UGGT1: variants seen among roughly 807,000 people sequenced by gnomAD.
UGGT1 encodes UDP-glucose glycoprotein glucosyltransferase 1, also known as UDP-glucose:glycoprotein glucosyltransferase 1.
Under a neutral mutation model 203.9 loss-of-function variants are expected in UGGT1, and 107 were observed. The ratio of observed to expected loss-of-function variants is 0.52; its 90% CI spans 0.45 to 0.62. The LOEUF (loss-of-function observed/expected upper bound fraction) is 0.62. UGGT1 is among the 20% of genes least tolerant of loss of function. The probability of loss-of-function intolerance (pLI) is 0.00; values close to 1 mark genes in which losing one functional copy is unlikely to be tolerated. For missense variants in UGGT1, 1,673 were observed against 1,867.2 expected (o/e 0.90, Z 1.92); for synonymous variants, 628 against 653.5 (o/e 0.96, Z 0.59).
At chr2:128,146,010 G>T (rs1222371269) in intron 18 of UGGT1, 43 bp downstream of exon 18, 2 of 1,610,146 alleles carry the variant, frequency 1.2e-6, no homozygotes, top group African/African-American at 1.3e-5. Context: ...AGAACAGTTG[G>T]CTTATATTTT....
At chr2:128,142,168 T>C (rs1689462017) in intron 16 of UGGT1, among the ~76,000 whole-genome samples, 1 of 151,768 alleles carries the variant, frequency 6.6e-6, no homozygotes, top group African/African-American at 2.4e-5. Context: ...ACTCCTGACC[T>C]CAAGTGATCC....
At chr2:128,113,590 T>C (rs1687964528) in intron 6 of UGGT1, among the ~76,000 whole-genome samples, 1 of 152,218 alleles carries the variant, frequency 6.6e-6, no homozygotes, top group Non-Finnish European at 1.5e-5. Context: ...ACCTTTTTTC[T>C]TCTGTTTTCT....
chr2:128,185,981 C>T (rs1691959526), intron 38 of UGGT1, among the ~76,000 whole-genome samples: 1 of 152,158 alleles, frequency 6.6e-6, no homozygotes, highest in African/African-American at 2.4e-5. Flanking sequence ...GAGCAAGTCT[C>T]AATAGACAAG....
Position 128,129,028 on chromosome 2 carries a change from G to T in UGGT1, c.1227-1G>T. 6.4e-7 allele frequency: 1 copy of T among 1,566,968 alleles called. No homozygotes were observed. On this transcript the variant is annotated splice_acceptor_variant, in intron 12 of 40. Coordinates refer to ENST00000259253, the MANE Select transcript of UGGT1 (RefSeq NM_020120.4). LOFTEE classifies it high-confidence loss of function. ...ATATCTCTTTTTGTTTTTCCCCCCA[G>T]TCTGTTTGATGTGTTGAGGAATGAA...
chr2:128,143,078 T>G lies in UGGT1; in HGVS notation c.1720-16T>G. 6.4e-7 allele frequency: 1 copy of G among 1,574,556 alleles called. No individual in the cohort carries two copies. The highest frequency in any genetic ancestry group is 8.6e-7 in the Non-Finnish European group (1 of 1,163,794). On this transcript the variant is annotated splice_polypyrimidine_tract_variant and intron_variant, in intron 16 of 40. Coordinates refer to ENST00000259253, the MANE Select transcript of UGGT1 (RefSeq NM_020120.4). ...ACTTAAAAGTGTAGTTAACCAACTGTTTTTTCTTTCTTCAGATCTATAACA... is the reference window on the plus strand; with the variant it reads ...ACTTAAAAGTGTAGTTAACCAACTGGTTTTTCTTTCTTCAGATCTATAACA...
At chr2:128,183,602 C>G (rs1691819238) in intron 37 of UGGT1, 73 bp from the exon 38 acceptor site, 11 of 1,121,228 alleles carry the variant, frequency 9.8e-6, no homozygotes, top group African/African-American at 1.5e-5. Flanking sequence ...GTGGCCTGTT[C>G]CATTATTCAT....
rs1377757062 is a variant in UGGT1, at chr2:128,143,079, T to G, written c.1720-15T>G. 6.4e-7 allele frequency: 1 copy of G among 1,574,722 alleles called. No homozygotes were observed. The highest frequency in any genetic ancestry group is 8.6e-7 in the Non-Finnish European group (1 of 1,163,858). On this transcript the variant is annotated splice_polypyrimidine_tract_variant and intron_variant, in intron 16 of 40. Coordinates refer to ENST00000259253, the MANE Select transcript of UGGT1 (RefSeq NM_020120.4). ...CTTAAAAGTGTAGTTAACCAACTGT[T>G]TTTTCTTTCTTCAGATCTATAACAA...
intron 18 of UGGT1, chr2:128,151,005 C>T (rs1689934519): frequency 5.2e-6 from 1 of 191,132 alleles, no homozygotes; most frequent in Non-Finnish European, 1.1e-5. Flanking sequence ...CGCCCGCCAC[C>T]ATGCCCGGCT....
chr2:128,106,849 C>T (rs1331002316), intron 3 of UGGT1, among the ~76,000 whole-genome samples: 1 of 152,088 alleles, frequency 6.6e-6, no homozygotes, highest in Non-Finnish European at 1.5e-5. Context: ...CGTGCCCTGC[C>T]TATTTCTATT....
chr2:128,188,926 T>C (rs1692127098), intron 40 of UGGT1, among the ~76,000 whole-genome samples: 1 of 152,208 alleles, frequency 6.6e-6, no homozygotes, highest in African/African-American at 2.4e-5. Flanking sequence ...ACCATAAAAG[T>C]AATTAATTCC....
At position 128,129,179 on chromosome 2, in the gene UGGT1, A is replaced by C; in HGVS notation, c.1377A>C (p.Ser459=). 1 of 1,606,842 alleles carries C rather than the reference A, an allele frequency of 6.2e-7. No individual in the cohort carries two copies. Among genetic ancestry groups the C allele is most frequent in the South Asian group, 1.1e-5 (1 of 89,464 alleles). ...YAVDIRSPAI[S]WVNNLEVDSR... The stretch of plus-strand genomic sequence containing the variant: ...TAGACATCCGGAGTCCTGCTATTTC[A>C]GTGAGTATTTTGTTAGGGTGATCAA... Residue 459 remains serine (S), a splice_region_variant and synonymous_variant, in exon 13 of 41, where the codon TCA becomes TCC. Coordinates refer to ENST00000259253, the MANE Select transcript of UGGT1 (RefSeq NM_020120.4).
intron 13 of UGGT1, 51 bp downstream of exon 13, chr2:128,129,230 T>C: frequency 3.2e-6 from 5 of 1,551,350 alleles, no homozygotes; most frequent in Non-Finnish European, 4.3e-6. Flanking sequence ...GGAATCTTTT[T>C]TATGGTTTCT....
intron 24 of UGGT1, 40 bp downstream of exon 24, chr2:128,160,631 A>T: frequency 1.3e-6 from 2 of 1,583,290 alleles, no homozygotes; most frequent in Non-Finnish European, 1.7e-6. Context: ...TAGATCCGTG[A>T]ACAGTCTTTG....
Position 128,159,627 on chromosome 2 carries a change from C to T in UGGT1, c.2469C>T (p.Ser823=), listed in dbSNP as rs377725350. 1.9e-5 allele frequency: 31 copies of T among 1,614,036 alleles called. No homozygotes were observed. Among genetic ancestry groups the T allele is most frequent in the Admixed American group, 5.0e-5 (3 of 60,000 alleles). Residue 823 remains serine, a synonymous_variant, in exon 23 of 41, where the codon TCC becomes TCT. Coordinates refer to ENST00000259253, the MANE Select transcript of UGGT1 (RefSeq NM_020120.4). ...GGGCAGCTCTCCAAACTCAGACTTC[C>T]AACGCTGCTAAGAACTTCATCACCA... ...AIWAALQTQT[S]NAAKNFITKM...
In UGGT1 at chr2:128,190,561, G is replaced by C. The variant is rs1692211243; in HGVS notation, c.*819G>C. Reference sequence around the variant, plus strand: ...GGTAATTGTTTTGAAAACAATTTTTGTATCTGTGAAAGTCTTTGCTTTTTC... The same window carrying C: ...GGTAATTGTTTTGAAAACAATTTTTCTATCTGTGAAAGTCTTTGCTTTTTC... On this transcript the variant is annotated 3_prime_UTR_variant, in exon 41 of 41. Transcript: ENST00000259253. 6.6e-6 allele frequency: 1 copy of C among 152,116 alleles called. No homozygotes were observed. The highest frequency in any genetic ancestry group is 2.4e-5 in the African/African-American group (1 of 41,424). The allele number at this position is 152,116 out of a possible 1,614,324, so 9.4% of individuals were successfully genotyped here. A position where few individuals can be genotyped will look rare whatever the true frequency, so the allele number is the denominator to read the frequency against.
intron 22 of UGGT1, among the ~76,000 whole-genome samples, chr2:128,158,341 C>G (rs185018289): frequency 5.9e-5 from 9 of 152,184 alleles, no homozygotes; most frequent in African/African-American, 4.8e-5. Flanking sequence ...AGAGAATTCT[C>G]AAGTTCCTGA....
chr2:128,172,613 T>G lies in UGGT1; in HGVS notation c.3145T>G (p.Ser1049Ala). ...YVLEPEISFT[S>A]DNSFAKGPIA... ...CTTAGAACCAGAGATTTCTTTCACT[T>G]CAGACAATAGTTTTGCTAAGGGTCC... Residue 1049 changes from serine (S) to alanine (A), a missense_variant, in exon 29 of 41, where the codon TCA becomes GCA. Transcript: ENST00000259253. 1 of 1,614,138 alleles carries G rather than the reference T, an allele frequency of 6.2e-7. No homozygotes were observed. The highest frequency in any genetic ancestry group is 8.5e-7 in the Non-Finnish European group (1 of 1,180,028).
At chr2:128,115,044 A>G in intron 6 of UGGT1, 80 bp from the exon 7 acceptor site, 2 of 1,278,804 alleles carry the variant, frequency 1.6e-6, no homozygotes, top group South Asian at 2.5e-5. Flanking sequence ...AGTAGATGCA[A>G]CATTAACATG....
intron 13 of UGGT1, among the ~76,000 whole-genome samples, chr2:128,130,425 CATT>C (rs1424857448): frequency 1.3e-5 from 2 of 152,008 alleles, no homozygotes; most frequent in Non-Finnish European, 2.9e-5. Context: ...TGTAGATAAT[CATT>C]ACTTGAATTC....
Sources: gnomAD v4.1 joint callset for allele counts (sites outside exome capture counted in the v4.1 genomes callset) on GRCh38, gnomAD v4.1.1 for gene constraint, MANE v1.5 for transcripts, NCBI Gene and HGNC (gene_info 2026-07-23, HGNC 2026-07-21) for gene names.